Variants in CDC14B observed in about 807,000 individuals in gnomAD.
CDC14B encodes the protein dual specificity protein phosphatase CDC14B.
In CDC14B, 22 loss-of-function variants were observed where a neutral mutation model predicts 64.2. That is an observed-to-expected ratio of 0.34 (90% CI 0.24 to 0.49). The LOEUF (loss-of-function observed/expected upper bound fraction) is 0.49, where lower values mean the gene tolerates loss of function less well. Ranked by LOEUF, CDC14B falls within the 20% of genes least tolerant of loss-of-function variation. CDC14B has a pLI of 0.99. For synonymous variants in CDC14B, 191 were observed against 215.8 expected, an observed-to-expected ratio of 0.89 and a Z score of 1.01; for missense variants, 498 against 629.9, an observed-to-expected ratio of 0.79 and a Z score of 2.24.
intron 5 of CDC14B, among the ~76,000 whole-genome samples, chr9:96,546,513 G>A (rs889042963): frequency 5.3e-5 from 8 of 151,550 alleles, no homozygotes; most frequent in Non-Finnish European, 8.8e-5. Context: ...GCAATGACAC[G>A]ATCTCAGCTC....
intron 5 of CDC14B, 88 bp downstream of exon 5, chr9:96,551,708 C>A: frequency 1.3e-6 from 2 of 1,539,406 alleles, no homozygotes; most frequent in Non-Finnish European, 1.8e-6. Context: ...TGACTATTTA[C>A]CAGATCTTCT....
At chr9:96,534,611 G>T in intron 7 of CDC14B, 69 bp from the exon 8 acceptor site, 1 of 1,048,160 alleles carries the variant, frequency 9.5e-7, no homozygotes, top group Non-Finnish European at 1.5e-6. Flanking sequence ...ACTCAAGACT[G>T]AGTCTCTGAA....
chr9:96,574,340 G>A (rs999246551), intron 1 of CDC14B, among the ~76,000 whole-genome samples: 3 of 152,006 alleles, frequency 2.0e-5, no homozygotes, highest in Admixed American at 2.0e-4. Flanking sequence ...TTCAATACAC[G>A]TGGGACAACT....
chr9:96,619,161 G>A, intron 1 of CDC14B, 58 bp downstream of exon 1: 1 of 1,207,934 alleles, frequency 8.3e-7, no homozygotes, highest in East Asian at 3.5e-5. Flanking sequence ...AGGTGGGCCA[G>A]GGCCCCGCGC....
intron 1 of CDC14B, among the ~76,000 whole-genome samples, chr9:96,579,278 C>T (rs560942411): frequency 6.6e-6 from 1 of 152,010 alleles, no homozygotes; most frequent in Non-Finnish European, 1.5e-5. Context: ...ACAGGTGGGA[C>T]TGATATCCTT....
chr9:96,587,956 A>G (rs1485888614), intron 1 of CDC14B, among the ~76,000 whole-genome samples: 2 of 152,182 alleles, frequency 1.3e-5, no homozygotes, highest in Non-Finnish European at 2.9e-5. Context: ...TGGCTCAGGT[A>G]AGTGACTTCC....
At chr9:96,534,402 T>C (rs1448134305) in intron 8 of CDC14B, 53 bp downstream of exon 8, 9 of 1,285,730 alleles carry the variant, frequency 7.0e-6, no homozygotes, top group South Asian at 3.6e-5. Context: ...AAAGAAAATA[T>C]AGGATAGATA....
intron 1 of CDC14B, among the ~76,000 whole-genome samples, chr9:96,573,608 C>T (rs768184881): frequency 6.6e-6 from 1 of 151,558 alleles, no homozygotes; most frequent in African/African-American, 2.4e-5. Context: ...TTTCATGAAA[C>T]CTGACATGTT....
chr9:96,582,832 G>A lies in CDC14B; in HGVS notation c.161-17349C>T, dbSNP rs1350640597. Among the ~76,000 whole-genome samples, 40 of 152,138 alleles carry A rather than the reference G, an allele frequency of 2.6e-4. 1 individual carries two copies. Among genetic ancestry groups the A allele is most frequent in the Non-Finnish European group, 8.8e-5 (6 of 68,014 alleles). ...TTTTACCAGATTTACTAATTAAATT[G>A]ATCAGGATAGAGAATGGACTATCCA... On this transcript the variant is annotated intron_variant, in intron 1 of 13. Transcript: ENST00000375241.
chr9:96,494,537 C>T (rs1185977650), intron 13 of CDC14B, among the ~76,000 whole-genome samples: 1 of 137,986 alleles, frequency 7.2e-6, no homozygotes, highest in Non-Finnish European at 1.5e-5. Context: ...TCCTGTTGCT[C>T]CTGGAAAGCT....
chr9:96,611,216 A>T (rs1847300345), intron 1 of CDC14B, among the ~76,000 whole-genome samples: 1 of 152,244 alleles, frequency 6.6e-6, no homozygotes, highest in Non-Finnish European at 1.5e-5. Flanking sequence ...ATTTTGGAAA[A>T]TGTTTTCAAA....
At chr9:96,533,473 T>C (rs772464908) in intron 9 of CDC14B, among the ~76,000 whole-genome samples, 2 of 152,238 alleles carry the variant, frequency 1.3e-5, no homozygotes, top group African/African-American at 2.4e-5. Flanking sequence ...CAAAACTATA[T>C]TTCTTGTTTC....
chr9:96,593,604 G>A (rs1396075215), intron 1 of CDC14B, among the ~76,000 whole-genome samples: 2 of 151,368 alleles, frequency 1.3e-5, no homozygotes, highest in African/African-American at 4.9e-5. Flanking sequence ...TTGTTTCTTC[G>A]TGGAAGGCAA....
exon 14 of CDC14B, chr9:96,491,467 CT>C (rs1301780999): frequency 6.6e-6 from 1 of 152,184 alleles, no homozygotes; most frequent in Non-Finnish European, 1.5e-5. Flanking sequence ...TGATAGCCTA[CT>C]TTTGGTCTCT....
exon 14 of CDC14B, chr9:96,491,666 T>G (rs1438032104): frequency 1.3e-5 from 2 of 152,228 alleles, no homozygotes; most frequent in African/African-American, 2.4e-5. Flanking sequence ...CTTTGAAGAT[T>G]AGCCAGAGAG....
chr9:96,513,376 G>A (rs935555138), intron 12 of CDC14B, among the ~76,000 whole-genome samples: 5 of 152,198 alleles, frequency 3.3e-5, no homozygotes, highest in South Asian at 2.1e-4. Context: ...AGAGGGTGAC[G>A]TGTTGCCTCT....
intron 1 of CDC14B, among the ~76,000 whole-genome samples, chr9:96,573,586 C>T (rs187837780): frequency 7.9e-5 from 12 of 152,212 alleles, no homozygotes; most frequent in African/African-American, 2.9e-4. Flanking sequence ...GAATCAAAAT[C>T]TCAACAGGTC....
At chr9:96,552,520 A>G (rs768957714) in intron 4 of CDC14B, among the ~76,000 whole-genome samples, 5 of 149,268 alleles carry the variant, frequency 3.3e-5, no homozygotes, top group African/African-American at 1.2e-4. Flanking sequence ...GACATTTTTT[A>G]TTTGACTACT....
intron 1 of CDC14B, among the ~76,000 whole-genome samples, chr9:96,616,978 G>T (rs977690707): frequency 3.3e-5 from 5 of 152,012 alleles, no homozygotes; most frequent in African/African-American, 1.2e-4. Flanking sequence ...CATTTTTCCA[G>T]GAAGCCAAGA....
Sources: gnomAD v4.1 joint callset for allele counts (sites outside exome capture counted in the v4.1 genomes callset) on GRCh38, gnomAD v4.1.1 for gene constraint, MANE v1.5 for transcripts, NCBI Gene and HGNC (gene_info 2026-07-23, HGNC 2026-07-21) for gene names.